The following BBS2 variants were observed in gnomAD, a reference collection of about 807,000 sequenced individuals.
The protein encoded by BBS2 is BBSome complex member BBS2.
Under a neutral mutation model 83.0 loss-of-function variants are expected in BBS2, and 62 were observed. That is an observed-to-expected ratio of 0.75 (90% confidence interval 0.61 to 0.92). BBS2 has a LOEUF of 0.92. Among genes scored for constraint, BBS2 ranks in the 40% least tolerant of loss-of-function variants. The pLI, the probability that BBS2 is intolerant of heterozygous loss-of-function variation, is 0.00. For synonymous variants in BBS2, 303 were observed against 326.1 expected, an observed-to-expected ratio of 0.93 and a Z score of 0.76; for missense variants, 784 against 901.0, an observed-to-expected ratio of 0.87 and a Z score of 1.66.
At chr16:56,491,072 A>C (rs1335983385) in intron 15 of BBS2, among the ~76,000 whole-genome samples, 1 of 152,114 alleles carries the variant, frequency 6.6e-6, no homozygotes, top group African/African-American at 2.4e-5. Context: ...ATTAAAGCAA[A>C]ATTTTTTAAA....
chr16:56,477,829 TTC>T (rs1963547351), intron 17 of BBS2: 1 of 152,234 alleles, frequency 6.6e-6, no homozygotes, highest in South Asian at 2.1e-4. Context: ...TTAACTACTC[TTC>T]TCTTTCATCT....
intron 17 of BBS2, chr16:56,475,477 T>C (rs1963420454): frequency 1.2e-6 from 2 of 1,609,114 alleles, no homozygotes; most frequent in Non-Finnish European, 1.7e-6. Context: ...ATAGGAGCTT[T>C]CTGAATGCTG....
At chr16:56,499,465 T>C in intron 12 of BBS2, 1 of 355,098 alleles carries the variant, frequency 2.8e-6, no homozygotes, top group Non-Finnish European at 5.4e-6. Flanking sequence ...TCTCTTTTCA[T>C]CTTGCTGCAG....
At chr16:56,506,495 A>G (rs1167401018) in intron 5 of BBS2, among the ~76,000 whole-genome samples, 3 of 152,200 alleles carry the variant, frequency 2.0e-5, no homozygotes, top group East Asian at 1.9e-4. Context: ...TTTTTAAAAA[A>G]CACATGAAAA....
intron 9 of BBS2, chr16:56,501,820 T>C: frequency 5.0e-6 from 2 of 398,838 alleles, no homozygotes; most frequent in Non-Finnish European, 9.3e-6. Context: ...CAGTAATGCA[T>C]TACAGGACAA....
chr16:56,477,548 C>G (rs1273368842), intron 17 of BBS2: 1 of 152,118 alleles, frequency 6.6e-6, no homozygotes, highest in Non-Finnish European at 1.5e-5. Flanking sequence ...TAACTAATTG[C>G]TTTTTATTTT....
intron 15 of BBS2, among the ~76,000 whole-genome samples, chr16:56,486,748 C>CTTTT (rs1190474419): frequency 2.3e-4 from 19 of 84,208 alleles, no homozygotes; most frequent in East Asian, 3.5e-4. Context: ...CAGAAATATT[C>CTTTT]TTTTTTTTTT....
chr16:56,487,974 T>TA (rs1269257572), intron 15 of BBS2, among the ~76,000 whole-genome samples: 2 of 152,136 alleles, frequency 1.3e-5, no homozygotes, highest in African/African-American at 4.8e-5. Context: ...GTTTAAGAGA[T>TA]AAAGAATTAT....
intron 16 of BBS2, 123 bp from the exon 17 acceptor site, chr16:56,484,990 C>T (rs1963735394): frequency 1.3e-6 from 1 of 756,634 alleles, no homozygotes; most frequent in Non-Finnish European, 2.2e-6. Flanking sequence ...TATGATTTAT[C>T]TTACCATTCC....
chr16:56,475,509 T>G (rs374544044), intron 17 of BBS2: 1 of 1,614,052 alleles, frequency 6.2e-7, no homozygotes, highest in Non-Finnish European at 8.5e-7. Context: ...CTTGTAAGGC[T>G]GGGAGCCAGA....
At chr16:56,478,906 A>AGAT (rs1963589397) in intron 17 of BBS2, 1 of 152,220 alleles carries the variant, frequency 6.6e-6, no homozygotes, top group South Asian at 2.1e-4. Context: ...GTAACTTAAA[A>AGAT]GATTGTGTTT....
intron 17 of BBS2, among the ~76,000 whole-genome samples, chr16:56,475,767 T>C (rs1963441633): frequency 6.6e-6 from 1 of 152,228 alleles, no homozygotes; most frequent in Non-Finnish European, 1.5e-5. Context: ...TTTACCCTCC[T>C]GAGAAATTCC....
chr16:56,519,279 C>T (rs1964844743), intron 1 of BBS2, among the ~76,000 whole-genome samples: 1 of 147,768 alleles, frequency 6.8e-6, no homozygotes. Context: ...TGCAGCGACC[C>T]GAGATTGCGC....
rs1963727508 is a variant in BBS2 at position 56,484,781 on chromosome 16, C to T, written c.2146G>A (p.Val716Met). The change falls in exon 17 of 17, where the codon GTG becomes ATG. Residue 716 changes from valine to methionine, a missense_variant. Val to Met is a conservative substitution (Grantham distance 21). Transcript: ENST00000245157. ...NINTLFKIMR[V>M]GTASS is the part of the protein sequence containing the mutation. ...CTCACCTAGGAAGAAGCTGTCCCCA[C>T]TCGCATGATTTTGAACAGTGTGTTG... 6.2e-7 allele frequency: 1 copy of T among 1,613,822 alleles called. No individual in the cohort carries two copies. The highest frequency in any genetic ancestry group is 1.3e-5 in the African/African-American group (1 of 74,934).
chr16:56,476,094 C>T (rs2144066295), intron 17 of BBS2: 1 of 1,613,924 alleles, frequency 6.2e-7, no homozygotes, highest in Non-Finnish European at 8.5e-7. Context: ...TCTACAGAGA[C>T]AGAGAGACTC....
chr16:56,479,664 G>T (rs1963612529), downstream of BBS2, among the ~76,000 whole-genome samples: 1 of 152,190 alleles, frequency 6.6e-6, no homozygotes, highest in African/African-American at 2.4e-5. Flanking sequence ...TATGTCTCAG[G>T]TTAGGATGAG....
At chr16:56,493,700 T>TA (rs1256908145) in intron 15 of BBS2, among the ~76,000 whole-genome samples, 3 of 152,050 alleles carry the variant, frequency 2.0e-5, no homozygotes, top group Non-Finnish European at 4.4e-5. Context: ...GAGAGCAAAA[T>TA]AAGACAATGA....
chr16:56,519,218 A>G (rs1964841758), intron 1 of BBS2, among the ~76,000 whole-genome samples: 1 of 151,250 alleles, frequency 6.6e-6, no homozygotes, highest in African/African-American at 2.4e-5. Flanking sequence ...GTAATCTCAG[A>G]TACTCGGGAG....
In BBS2 at chr16:56,502,364, T is replaced by G. The variant is rs751171674; in HGVS notation, c.1033A>C (p.Lys345Gln). ...CGGAGTTCCAGCAACAGATTCTGCT[T>G]CTTCTGACTCAGCTCTCGGATCAGG... ...QDLIRELSQK[K>Q]QNLLLELRNY... Residue 345 changes from lysine to glutamine, a missense_variant, in exon 9 of 17, where the codon AAG (lysine) becomes CAG (glutamine). Transcript: ENST00000245157. The G allele has an allele frequency of 5.0e-6, 8 of 1,614,214 alleles. No individual in the cohort carries two copies. The highest frequency in any genetic ancestry group is 2.2e-5 in the South Asian group (2 of 91,088).
Sources: allele counts gnomAD v4.1 joint callset (sites outside exome capture counted in the v4.1 genomes callset), GRCh38; gene constraint gnomAD v4.1.1; transcripts MANE v1.5; gene names NCBI Gene and HGNC (gene_info 2026-07-23, HGNC 2026-07-21).